The following FAT3 variants were observed in gnomAD, a reference collection of about 807,000 sequenced individuals.
The protein encoded by FAT3 is FAT atypical cadherin 3.
A neutral mutation model predicts 310.2 loss-of-function variants in FAT3; 95 were observed. The observed-to-expected ratio is 0.31, with a 90% CI of 0.26 to 0.36. The LOEUF (loss-of-function observed/expected upper bound fraction) is 0.36, where lower values mean the gene tolerates loss of function less well. Among genes scored for constraint, FAT3 ranks in the 10% least tolerant of loss-of-function variants. FAT3 has a pLI of 1.00. For synonymous variants in FAT3, 2,314 were observed against 2,192.9 expected (o/e 1.06, Z -1.54); for missense variants, 5,408 against 5,715.6 (o/e 0.95, Z 1.74).
chr11:92,251,260 C>T (rs946060218), intron 1 of FAT3, among the ~76,000 whole-genome samples: 12 of 152,110 alleles, frequency 7.9e-5, no homozygotes, highest in African/African-American at 2.9e-4. Flanking sequence ...GCCCTTGAAC[C>T]TAAGGGAGGT....
chr11:92,563,087 C>G (rs537400367), intron 3 of FAT3, among the ~76,000 whole-genome samples: 121 of 152,270 alleles, frequency 7.9e-4, no homozygotes, highest in Non-Finnish European at 4.7e-4. Context: ...TTAGAAAGAG[C>G]TGGAGAATGT....
chr11:92,277,309 C>A (rs181251705), intron 1 of FAT3, among the ~76,000 whole-genome samples: 14 of 152,130 alleles, frequency 9.2e-5, no homozygotes, highest in African/African-American at 1.7e-4. Context: ...AAATCACAGA[C>A]AATTAACTCT....
At chr11:92,659,100 A>G (rs2135787102) in intron 3 of FAT3, among the ~76,000 whole-genome samples, 1 of 152,284 alleles carries the variant, frequency 6.6e-6, no homozygotes, top group South Asian at 2.1e-4. Flanking sequence ...GAAAAGAGAA[A>G]AGAAAAGAAA....
chr11:92,346,632 G>A (rs998608826), intron 1 of FAT3, among the ~76,000 whole-genome samples: 1 of 152,040 alleles, frequency 6.6e-6, no homozygotes, highest in African/African-American at 2.4e-5. Context: ...TATTTACTAT[G>A]TGCCGGACAC....
At chr11:92,568,537 C>T (rs940953889) in intron 3 of FAT3, among the ~76,000 whole-genome samples, 4 of 152,228 alleles carry the variant, frequency 2.6e-5, no homozygotes, top group African/African-American at 9.6e-5. Flanking sequence ...GTACACAAAA[C>T]TGTAAGAAAA....
At chr11:92,520,818 A>G (rs1032269609) in intron 2 of FAT3, among the ~76,000 whole-genome samples, 2 of 152,276 alleles carry the variant, frequency 1.3e-5, no homozygotes, top group Middle Eastern at 3.4e-3. Flanking sequence ...ACATCTGAAC[A>G]TTGTGTTCCA....
chr11:92,703,585 C>T (rs551929223), intron 4 of FAT3, among the ~76,000 whole-genome samples: 21 of 152,346 alleles, frequency 1.4e-4, no homozygotes, highest in African/African-American at 3.8e-4. Flanking sequence ...AATTAATGCC[C>T]TGTGACACAG....
At chr11:92,858,090 T>A (rs1044145930) in intron 20 of FAT3, among the ~76,000 whole-genome samples, 1 of 152,152 alleles carries the variant, frequency 6.6e-6, no homozygotes, top group African/African-American at 2.4e-5. Context: ...CAATAAATAG[T>A]TGGAATAAAA....
chr11:92,600,572 A>ATTCATTTG (rs1289047273), intron 3 of FAT3, among the ~76,000 whole-genome samples: 2 of 152,208 alleles, frequency 1.3e-5, no homozygotes, highest in East Asian at 3.9e-4. Flanking sequence ...TCATTTATTC[A>ATTCATTTG]TTCATTTGTT....
chr11:92,874,782 G>A (rs1186051900), intron 22 of FAT3, among the ~76,000 whole-genome samples: 1 of 152,118 alleles, frequency 6.6e-6, no homozygotes, highest in Non-Finnish European at 1.5e-5. Context: ...CAGGTGATCC[G>A]CCCACCTTGG....
At chr11:92,704,575 T>C (rs1450319107) in intron 4 of FAT3, among the ~76,000 whole-genome samples, 1 of 152,004 alleles carries the variant, frequency 6.6e-6, no homozygotes, top group Non-Finnish European at 1.5e-5. Flanking sequence ...CTGACTAATG[T>C]CCTTATAAGA....
chr11:92,309,246 C>G (rs1008406038), intron 1 of FAT3, among the ~76,000 whole-genome samples: 1 of 148,342 alleles, frequency 6.7e-6, no homozygotes, highest in African/African-American at 2.5e-5. Context: ...CCTCATTGTT[C>G]TAATGCTCAT....
chr11:92,687,923 G>A (rs1943678805), intron 3 of FAT3, among the ~76,000 whole-genome samples: 1 of 151,996 alleles, frequency 6.6e-6, no homozygotes, highest in Non-Finnish European at 1.5e-5. Context: ...AAAACAGGCT[G>A]GGCAAGGTGA....
At chr11:92,708,868 T>C (rs1944438784) in intron 4 of FAT3, among the ~76,000 whole-genome samples, 1 of 152,192 alleles carries the variant, frequency 6.6e-6, no homozygotes, top group Non-Finnish European at 1.5e-5. Context: ...GCTGTAAACA[T>C]GTAAGTTGCA....
chr11:92,484,449 C>T (rs1018319236), intron 2 of FAT3, among the ~76,000 whole-genome samples: 7 of 151,866 alleles, frequency 4.6e-5, no homozygotes, highest in African/African-American at 1.2e-4. Flanking sequence ...CCCATTTGCA[C>T]GAGGTGGATA....
intron 3 of FAT3, among the ~76,000 whole-genome samples, chr11:92,641,220 A>G (rs1023560954): frequency 1.3e-5 from 2 of 152,148 alleles, no homozygotes; most frequent in Admixed American, 1.3e-4. Flanking sequence ...AATGTTCACC[A>G]TATACTATGC....
chr11:92,706,949 T>C (rs1297323202), intron 4 of FAT3, among the ~76,000 whole-genome samples: 1 of 152,226 alleles, frequency 6.6e-6, no homozygotes, highest in Non-Finnish European at 1.5e-5. Context: ...GCTGTGGATC[T>C]TTGGGGTACC....
chr11:92,790,212 C>T lies in FAT3; in HGVS notation c.4605C>T (p.Asn1535=), dbSNP rs376269910. Residue 1535 remains asparagine, a synonymous_variant, in exon 8 of 28, where the codon AAC becomes AAT. Transcript: ENST00000525166. ...AGGCCCAGGACAAGCACATTCTCAA[C>T]ATAATGGTAGGACCAAAATCCTAAT... ...DHEAQDKHIL[N]IMVRDQEFPY... 10 of 1,613,304 alleles carry T rather than the reference C, an allele frequency of 6.2e-6. No homozygotes were observed. Among genetic ancestry groups the T allele is most frequent in the African/African-American group, 5.3e-5 (4 of 74,894 alleles).
At chr11:92,754,732 G>T (rs1222313179) in intron 4 of FAT3, among the ~76,000 whole-genome samples, 1 of 150,486 alleles carries the variant, frequency 6.6e-6, no homozygotes, top group Non-Finnish European at 1.5e-5. Flanking sequence ...GCTGGGCGTG[G>T]TGGTGTGCAC....
Sources: allele counts gnomAD v4.1 joint callset (sites outside exome capture counted in the v4.1 genomes callset), GRCh38; gene constraint gnomAD v4.1.1; transcripts MANE v1.5; gene names NCBI Gene and HGNC (gene_info 2026-07-23, HGNC 2026-07-21).